Variants in MRPS28 observed in about 807,000 individuals in gnomAD.
The protein encoded by MRPS28 is small ribosomal subunit protein bS1m.
MRPS28 carries 7 observed loss-of-function variants against 10.8 expected under a neutral mutation model. That is an observed-to-expected ratio of 0.65 (90% confidence interval 0.37 to 1.22). The LOEUF (loss-of-function observed/expected upper bound fraction) is 1.22. Ranked by LOEUF, MRPS28 falls within the 50% of genes most tolerant of loss-of-function variation. MRPS28 has a pLI of 0.02. For synonymous variants in MRPS28, 121 were observed against 93.3 expected (o/e 1.30, Z -1.71); for missense variants, 265 against 232.9 (o/e 1.14, Z -0.90).
intron 2 of MRPS28, among the ~76,000 whole-genome samples, chr8:79,921,222 G>T (rs925912610): frequency 6.6e-6 from 1 of 152,064 alleles, no homozygotes; most frequent in East Asian, 1.9e-4. Context: ...GTCAGGTAGT[G>T]TGATGCCTCC....
At chr8:79,942,505 A>ATGTTG (rs1216965324) in intron 2 of MRPS28, among the ~76,000 whole-genome samples, 3 of 152,204 alleles carry the variant, frequency 2.0e-5, no homozygotes, top group African/African-American at 7.2e-5. Context: ...ACCCAACTTC[A>ATGTTG]GGCAATATTT....
At chr8:79,919,888 G>A (rs1247574988) in intron 2 of MRPS28, among the ~76,000 whole-genome samples, 2 of 151,732 alleles carry the variant, frequency 1.3e-5, no homozygotes, top group African/African-American at 4.8e-5. Context: ...ATGTTGGTGT[G>A]CTGCACCCAT....
chr8:79,949,830 G>T (rs1345233429), intron 2 of MRPS28, among the ~76,000 whole-genome samples: 1 of 152,288 alleles, frequency 6.6e-6, no homozygotes, highest in African/African-American at 2.4e-5. Flanking sequence ...TATTGGATAT[G>T]ATTATAAAAT....
At chr8:79,933,289 C>T (rs923088849) in intron 2 of MRPS28, among the ~76,000 whole-genome samples, 1 of 152,194 alleles carries the variant, frequency 6.6e-6, no homozygotes, top group African/African-American at 2.4e-5. Flanking sequence ...TGTGACCTCA[C>T]GTGGCCCTCT....
intron 2 of MRPS28, among the ~76,000 whole-genome samples, chr8:79,982,218 G>A (rs1485623574): frequency 6.6e-6 from 1 of 152,210 alleles, no homozygotes; most frequent in Non-Finnish European, 1.5e-5. Context: ...CTGCATTCCA[G>A]CCTGGGCAAC....
intron 2 of MRPS28, among the ~76,000 whole-genome samples, chr8:79,941,362 A>G (rs1806761259): frequency 6.6e-6 from 1 of 152,184 alleles, no homozygotes; most frequent in Non-Finnish European, 1.5e-5. Flanking sequence ...CCAACTGAAG[A>G]AAGTGCTCCA....
chr8:79,918,890 CA>C lies in MRPS28; in HGVS notation c.*89del. On this transcript the variant is annotated 3_prime_UTR_variant, in exon 3 of 3. Coordinates refer to ENST00000276585, the MANE Select transcript of MRPS28 (RefSeq NM_014018.3). ...TTATAGCTTTTATTTATTATATCTT[CA>C]TTCAATCATTTATTCACAATTAGTC... The C allele has an allele frequency of 9.3e-7, 1 of 1,071,406 alleles. No individual in the cohort carries two copies. The highest frequency in any genetic ancestry group is 1.3e-6 in the Non-Finnish European group (1 of 787,032). The allele number at this position is 1,071,406 out of a possible 1,614,324, so 66.4% of individuals were successfully genotyped here. A position where few individuals can be genotyped will look rare whatever the true frequency, so the allele number is the denominator to read the frequency against.
chr8:80,017,022 C>T (rs1809214486), intron 1 of MRPS28, among the ~76,000 whole-genome samples: 1 of 152,122 alleles, frequency 6.6e-6, no homozygotes, highest in African/African-American at 2.4e-5. Context: ...CCACATGAAA[C>T]AGTCACCAAA....
chr8:79,998,069 G>C (rs1425807034), intron 2 of MRPS28, among the ~76,000 whole-genome samples: 1 of 137,628 alleles, frequency 7.3e-6, no homozygotes. Flanking sequence ...AAAAAAAAAA[G>C]AAAGAAAGAA....
intron 2 of MRPS28, among the ~76,000 whole-genome samples, chr8:79,964,430 C>CA (rs1176772519): frequency 1.3e-5 from 2 of 151,966 alleles, no homozygotes; most frequent in East Asian, 1.9e-4. Flanking sequence ...TGATACTGGC[C>CA]AAAAAACCTA....
At chr8:80,000,365 C>T (rs1357228003) in intron 2 of MRPS28, among the ~76,000 whole-genome samples, 4 of 152,094 alleles carry the variant, frequency 2.6e-5, no homozygotes, top group Admixed American at 6.5e-5. Context: ...AACTACAGAA[C>T]AAAGAGATGT....
rs1810212817 is a variant in MRPS28, at chr8:79,925,616, A to G, written c.396-6468T>C. 2.0e-5 allele frequency among the ~76,000 whole-genome samples: 3 copies of G among 152,360 alleles called. No homozygotes were observed. The South Asian group carries it at 6.2e-4, about 32-fold the overall frequency. Reference sequence around the variant, plus strand: ...ATTTCATTTTTTAATAATGTGGAATATGCATATAATACATTATAAATGGTA... The same window carrying G: ...ATTTCATTTTTTAATAATGTGGAATGTGCATATAATACATTATAAATGGTA... On this transcript the variant is annotated intron_variant, in intron 2 of 2. Coordinates refer to ENST00000276585, the MANE Select transcript of MRPS28 (RefSeq NM_014018.3).
chr8:79,929,481 T>C (rs955046614), intron 2 of MRPS28, among the ~76,000 whole-genome samples: 3 of 152,024 alleles, frequency 2.0e-5, no homozygotes, highest in African/African-American at 4.8e-5. Flanking sequence ...GAATGAGGAA[T>C]TGAAGGGAAG....
chr8:79,981,939 T>C (rs1805637095), intron 2 of MRPS28, among the ~76,000 whole-genome samples: 1 of 152,192 alleles, frequency 6.6e-6, no homozygotes, highest in Admixed American at 6.5e-5. Flanking sequence ...AAGTATTCTA[T>C]TTTAGGTCCA....
chr8:79,991,074 GA>G (rs1808351316), intron 2 of MRPS28, among the ~76,000 whole-genome samples: 1 of 151,934 alleles, frequency 6.6e-6, no homozygotes, highest in Non-Finnish European at 1.5e-5. Flanking sequence ...TAATGGTAGA[GA>G]CAGAGGAAAG....
intron 2 of MRPS28, among the ~76,000 whole-genome samples, chr8:79,954,166 C>A (rs1807146076): frequency 6.6e-6 from 1 of 151,852 alleles, no homozygotes; most frequent in Admixed American, 6.6e-5. Flanking sequence ...TCCCTTGAGC[C>A]CAGGAGTTAG....
chr8:80,005,395 A>G (rs1166556951), intron 1 of MRPS28, among the ~76,000 whole-genome samples: 1 of 151,924 alleles, frequency 6.6e-6, no homozygotes, highest in Admixed American at 6.6e-5. Context: ...TAAGCTTCAT[A>G]AGTGAAGGAG....
At chr8:79,938,269 T>C (rs1295627955) in intron 2 of MRPS28, among the ~76,000 whole-genome samples, 1 of 152,092 alleles carries the variant, frequency 6.6e-6, no homozygotes, top group Non-Finnish European at 1.5e-5. Flanking sequence ...CACATCGTGA[T>C]TTGCACTTTA....
chr8:79,945,744 A>G (rs1009202620), intron 2 of MRPS28, among the ~76,000 whole-genome samples: 5 of 152,226 alleles, frequency 3.3e-5, no homozygotes, highest in Admixed American at 1.3e-4. Flanking sequence ...AACATAATGA[A>G]TTACTTCAAA....
Sources: allele counts gnomAD v4.1 joint callset (sites outside exome capture counted in the v4.1 genomes callset), GRCh38; gene constraint gnomAD v4.1.1; transcripts MANE v1.5; gene names NCBI Gene and HGNC (gene_info 2026-07-23, HGNC 2026-07-21).